GALNT10: variants seen among roughly 807,000 people sequenced by gnomAD.
GALNT10 encodes the protein polypeptide N-acetylgalactosaminyltransferase 10, also known as GalNAc transferase 10.
GALNT10 carries 41 observed loss-of-function variants against 75.0 expected under a neutral mutation model. The ratio of observed to expected loss-of-function variants is 0.55; its 90% CI spans 0.43 to 0.71. GALNT10 has a LOEUF of 0.71. Ranked by LOEUF, GALNT10 falls within the 30% of genes least tolerant of loss-of-function variation. The pLI, the probability that GALNT10 is intolerant of heterozygous loss-of-function variation, is 0.00. For missense variants in GALNT10, 727 were observed against 818.5 expected, an observed-to-expected ratio of 0.89 and a Z score of 1.36; for synonymous variants, 302 against 313.0, an observed-to-expected ratio of 0.96 and a Z score of 0.37.
At chr5:154,273,619 C>A (rs1269478113) in intron 1 of GALNT10, among the ~76,000 whole-genome samples, 1 of 152,116 alleles carries the variant, frequency 6.6e-6, no homozygotes, top group African/African-American at 2.4e-5. Flanking sequence ...GATACACAAG[C>A]AGTTGTTAAT....
intron 1 of GALNT10, among the ~76,000 whole-genome samples, chr5:154,249,183 A>G (rs1753477373): frequency 1.3e-5 from 2 of 152,120 alleles, no homozygotes; most frequent in African/African-American, 4.8e-5. Flanking sequence ...CTTGACGTGC[A>G]TTTGTTCAAA....
chr5:154,384,858 T>A (rs1755787032), intron 6 of GALNT10, among the ~76,000 whole-genome samples: 1 of 152,234 alleles, frequency 6.6e-6, no homozygotes, highest in South Asian at 2.1e-4. Context: ...ACTCCAGTTT[T>A]ACATGTGTAA....
intron 1 of GALNT10, among the ~76,000 whole-genome samples, chr5:154,239,407 G>C (rs138002044): frequency 3.3e-5 from 5 of 152,166 alleles, no homozygotes; most frequent in Admixed American, 2.0e-4. Flanking sequence ...GCGGTGGGGC[G>C]AGCAAGTGAA....
intron 1 of GALNT10, among the ~76,000 whole-genome samples, chr5:154,272,300 G>A (rs1157750018): frequency 1.3e-5 from 2 of 152,222 alleles, no homozygotes; most frequent in Non-Finnish European, 2.9e-5. Flanking sequence ...GTGATCGGTA[G>A]TGGCTTAAAC....
intron 4 of GALNT10, among the ~76,000 whole-genome samples, chr5:154,344,026 A>C (rs924058293): frequency 6.6e-6 from 1 of 152,036 alleles, no homozygotes; most frequent in African/African-American, 2.4e-5. Context: ...CTGTGTCATG[A>C]TTAACTGGAT....
At chr5:154,368,876 G>C (rs545204262) in intron 4 of GALNT10, among the ~76,000 whole-genome samples, 26 of 152,294 alleles carry the variant, frequency 1.7e-4, no homozygotes, top group South Asian at 4.1e-4. Context: ...TTGGAAACTG[G>C]TATTTGCCAG....
At chr5:154,358,439 G>A (rs1423122867) in intron 4 of GALNT10, among the ~76,000 whole-genome samples, 2 of 152,158 alleles carry the variant, frequency 1.3e-5, no homozygotes, top group Admixed American at 6.5e-5. Context: ...CTAACACCCA[G>A]TGAAAAACAC....
At chr5:154,192,289 A>G (rs1354009678) in intron 1 of GALNT10, among the ~76,000 whole-genome samples, 4 of 152,236 alleles carry the variant, frequency 2.6e-5, no homozygotes, top group African/African-American at 7.2e-5. Context: ...AATTGCTGCA[A>G]AGCATCCCAG....
At chr5:154,354,046 C>G (rs1755252520) in intron 4 of GALNT10, among the ~76,000 whole-genome samples, 1 of 152,206 alleles carries the variant, frequency 6.6e-6, no homozygotes, top group Admixed American at 6.5e-5. Context: ...TCGCAACCCA[C>G]CAGTACTCTG....
At chr5:154,299,631 T>C (rs7730110) in intron 3 of GALNT10, among the ~76,000 whole-genome samples, 48,800 of 152,052 alleles carry the variant, frequency 0.32, 8,126 homozygotes, top group Non-Finnish European at 0.35. Flanking sequence ...TCCCATAACC[T>C]CCTTTAGTTC....
chr5:154,390,355 A>C (rs1227114629), intron 7 of GALNT10, among the ~76,000 whole-genome samples: 1 of 152,200 alleles, frequency 6.6e-6, no homozygotes, highest in Non-Finnish European at 1.5e-5. Context: ...AACACCCGAC[A>C]AGAATAGTGA....
intron 4 of GALNT10, among the ~76,000 whole-genome samples, chr5:154,375,881 T>C (rs1044947218): frequency 4.6e-5 from 7 of 152,228 alleles, no homozygotes; most frequent in African/African-American, 1.2e-4. Context: ...TACTACATGT[T>C]GGACCCAGGG....
At chr5:154,403,585 C>T (rs1230954190) in intron 7 of GALNT10, among the ~76,000 whole-genome samples, 1 of 152,190 alleles carries the variant, frequency 6.6e-6, no homozygotes, top group Non-Finnish European at 1.5e-5. Context: ...ATCTACGGAA[C>T]CTGTGTGCCA....
At chr5:154,321,112 T>C (rs1025261407) in intron 3 of GALNT10, among the ~76,000 whole-genome samples, 4 of 152,190 alleles carry the variant, frequency 2.6e-5, no homozygotes, top group African/African-American at 7.2e-5. Flanking sequence ...ATAATTAGCA[T>C]TGGTTTACTT....
chr5:154,351,007 C>G (rs1755197735), intron 4 of GALNT10, among the ~76,000 whole-genome samples: 1 of 152,166 alleles, frequency 6.6e-6, no homozygotes, highest in African/African-American at 2.4e-5. Context: ...CCAGGAAATG[C>G]TGTGAGAACT....
intron 4 of GALNT10, among the ~76,000 whole-genome samples, chr5:154,335,517 G>A (rs1452272458): frequency 6.6e-6 from 1 of 152,162 alleles, no homozygotes; most frequent in African/African-American, 2.4e-5. Context: ...AGAAAGAGCA[G>A]GACAAGCACA....
rs1162842514 is a variant in GALNT10 at position 154,416,556 on chromosome 5, G to A, written c.1654-258G>A. ...TGAGGTCTGACAGGAGGTGGGCAGT[G>A]TCTAGGTCCCAGGCCTGGAAGCTGC... On this transcript the variant is annotated intron_variant, in intron 11 of 11. Coordinates refer to ENST00000297107, the MANE Select transcript of GALNT10 (RefSeq NM_198321.4). The surrounding 1 kb of genome is among the most constrained non-coding windows in gnomAD (Gnocchi z 4.5). 6.6e-6 allele frequency among the ~76,000 whole-genome samples: 1 copy of A among 151,582 alleles called. No homozygotes were observed. The highest frequency in any genetic ancestry group is 1.5e-5 in the Non-Finnish European group (1 of 67,938).
chr5:154,418,189 CA>C lies in GALNT10; in HGVS notation c.*1218del, dbSNP rs1397967769. ...TCCAAAGTTGGTGGTGTTGGGAAAG[CA>C]GGGGGACATGTGTCCCTCAGCTCAG... On this transcript the variant is annotated 3_prime_UTR_variant, in exon 12 of 12. Coordinates refer to ENST00000297107, the MANE Select transcript of GALNT10 (RefSeq NM_198321.4). 6.6e-6 allele frequency: 1 copy of C among 152,196 alleles called. No homozygotes were observed. The highest frequency in any genetic ancestry group is 1.9e-4 in the East Asian group (1 of 5,192). 9.4% of individuals were successfully genotyped at this position (152,196 alleles called of 1,614,324 possible).
chr5:154,225,080 C>A (rs538380229), intron 1 of GALNT10, among the ~76,000 whole-genome samples: 15 of 151,404 alleles, frequency 9.9e-5, no homozygotes, highest in Non-Finnish European at 1.8e-4. Flanking sequence ...CCACACCTGG[C>A]CTTTTTGGGG....
Sources: allele counts gnomAD v4.1 joint callset (sites outside exome capture counted in the v4.1 genomes callset), GRCh38; gene constraint gnomAD v4.1.1; non-coding constraint Gnocchi (gnomAD v3.1); transcripts MANE v1.5; gene names NCBI Gene and HGNC (gene_info 2026-07-23, HGNC 2026-07-21).